Variants in MTA3 observed in about 807,000 individuals in gnomAD.
MTA3 encodes the protein metastasis-associated protein MTA3.
In MTA3, 34 loss-of-function variants were observed where a neutral mutation model predicts 83.5. The observed-to-expected ratio is 0.41, with a 90% CI of 0.31 to 0.54. MTA3 has a LOEUF of 0.54. MTA3 is among the 20% of genes least tolerant of loss of function. The pLI is 0.33. For missense variants in MTA3, 761 were observed against 726.4 expected (o/e 1.05, Z -0.55); for synonymous variants, 303 against 252.7 (o/e 1.20, Z -1.89).
intron 2 of MTA3, among the ~76,000 whole-genome samples, chr2:42,508,400 C>A (rs1029111864): frequency 2.6e-5 from 4 of 151,770 alleles, no homozygotes; most frequent in Admixed American, 2.0e-4. Context: ...GGCACCATCT[C>A]CACTCATTGC....
At chr2:42,597,693 T>TTTG in intron 3 of MTA3, among the ~76,000 whole-genome samples, 1 of 133,464 alleles carries the variant, frequency 7.5e-6, no homozygotes, top group Non-Finnish European at 1.6e-5. Context: ...TGTTTTTTTT[T>TTTG]TTTTTGAGAT....
chr2:42,594,722 A>ATT (rs1573130009), intron 3 of MTA3, among the ~76,000 whole-genome samples: 13 of 34,754 alleles, frequency 3.7e-4, no homozygotes, highest in African/African-American at 2.5e-3. Context: ...ATATATATAT[A>ATT]TATATATTTT....
intron 4 of MTA3, among the ~76,000 whole-genome samples, chr2:42,636,667 A>T (rs528384584): frequency 4.6e-5 from 6 of 129,044 alleles, no homozygotes; most frequent in African/African-American, 3.0e-5. Flanking sequence ...TCGCCCTGTC[A>T]CCAGGCTGGA....
At chr2:42,679,152 A>G (rs1393997358) in intron 8 of MTA3, among the ~76,000 whole-genome samples, 2 of 152,164 alleles carry the variant, frequency 1.3e-5, no homozygotes, top group African/African-American at 2.4e-5. Context: ...TGCCCTACCT[A>G]CTTCACAGGA....
intron 2 of MTA3, among the ~76,000 whole-genome samples, chr2:42,542,189 G>T (rs1370094717): frequency 1.3e-5 from 2 of 152,174 alleles, no homozygotes; most frequent in Admixed American, 6.6e-5. Flanking sequence ...AGGAGTCAGG[G>T]GTCTTCCCGT....
chr2:42,675,353 C>G (rs1308522567), intron 8 of MTA3, among the ~76,000 whole-genome samples: 1 of 152,158 alleles, frequency 6.6e-6, no homozygotes, highest in Non-Finnish European at 1.5e-5. Flanking sequence ...CCAGGCTGGT[C>G]TTAAACTCCT....
intron 4 of MTA3, among the ~76,000 whole-genome samples, chr2:42,627,978 G>T (rs778437181): frequency 6.6e-6 from 1 of 151,658 alleles, no homozygotes; most frequent in Non-Finnish European, 1.5e-5. Flanking sequence ...TCCGACTCCC[G>T]GGTTCAAGTG....
intron 2 of MTA3, among the ~76,000 whole-genome samples, chr2:42,559,530 C>G (rs1268417141): frequency 6.6e-6 from 1 of 151,308 alleles, no homozygotes; most frequent in Non-Finnish European, 1.5e-5. Context: ...TTTTGTTTTC[C>G]CATTTCATCT....
chr2:42,654,347 A>G (rs1688974827), intron 6 of MTA3, among the ~76,000 whole-genome samples: 1 of 152,216 alleles, frequency 6.6e-6, no homozygotes, highest in African/African-American at 2.4e-5. Flanking sequence ...TCACTGGGGA[A>G]TGGTTGGCTT....
chr2:42,580,322 C>A (rs1465657996), intron 3 of MTA3, among the ~76,000 whole-genome samples: 1 of 151,730 alleles, frequency 6.6e-6, no homozygotes, highest in African/African-American at 2.4e-5. Context: ...GGTACCTGTG[C>A]AGGATGTGCA....
chr2:42,645,477 A>G (rs1688094912), intron 6 of MTA3, among the ~76,000 whole-genome samples: 1 of 152,204 alleles, frequency 6.6e-6, no homozygotes, highest in African/African-American at 2.4e-5. Context: ...GTGAGCCAAG[A>G]TTGTGCCACT....
chr2:42,748,966 GT>G (rs1177344540), intron 16 of MTA3, among the ~76,000 whole-genome samples: 1 of 152,170 alleles, frequency 6.6e-6, no homozygotes, highest in Admixed American at 6.5e-5. Context: ...AGACCAAGTT[GT>G]TTACCAGGCC....
chr2:42,643,116 G>C (rs963293528), intron 5 of MTA3, among the ~76,000 whole-genome samples: 2 of 137,552 alleles, frequency 1.5e-5, no homozygotes, highest in Admixed American at 1.6e-4. Context: ...ATACAGCACA[G>C]AATTTCTCAG....
At position 42,695,763 on chromosome 2, in the gene MTA3, A is replaced by G; in HGVS notation, c.892-2A>G. ...TGATAGGTTGATTTTTTTTTTTTTC[A>G]GCTTCCTTGGAAATCATTGACTAGC... On this transcript the variant is annotated splice_acceptor_variant, in intron 9 of 16. Coordinates refer to ENST00000405094, the MANE Select transcript of MTA3 (RefSeq NM_001330442.2). LOFTEE classifies it high-confidence loss of function. The G allele has an allele frequency of 6.7e-7, 1 of 1,487,488 alleles. No individual in the cohort carries two copies. The highest frequency in any genetic ancestry group is 8.9e-7 in the Non-Finnish European group (1 of 1,117,578). The allele number at this position is 1,487,488 out of a possible 1,614,324, so 92.1% of individuals were successfully genotyped here.
upstream of MTA3, among the ~76,000 whole-genome samples, chr2:42,565,021 C>T (rs755872123): frequency 4.6e-5 from 7 of 152,114 alleles, no homozygotes; most frequent in African/African-American, 9.7e-5. Context: ...CATGATCCGC[C>T]GGCCTCGGCC....
rs1292118994 is a variant in MTA3 at position 42,605,217 on chromosome 2, A to ACC, written c.191-4234_191-4233dup. ...GGCGGCTGGCCGGGCGGGGGGGCTG[A>ACC]CCCCCCCCACCTCCCTCCCGGACGG... On this transcript the variant is annotated intron_variant, in intron 3 of 16. Transcript: ENST00000405094. Among the ~76,000 whole-genome samples the ACC allele has an allele frequency of 2.7e-3, 212 of 79,982 alleles. 1 individual carries two copies. The highest frequency in any genetic ancestry group is 4.3e-3 in the Non-Finnish European group (160 of 37,330). 52.5% of individuals were successfully genotyped at this position (79,982 alleles called of 152,430 possible). A position where few individuals can be genotyped will look rare whatever the true frequency, so the allele number is the denominator to read the frequency against.
chr2:42,538,723 A>AG (rs1676373725), intron 2 of MTA3, among the ~76,000 whole-genome samples: 2 of 149,882 alleles, frequency 1.3e-5, no homozygotes, highest in Admixed American at 6.6e-5. Flanking sequence ...AAAAAAAAAA[A>AG]AAAGAAAAAG....
At chr2:42,667,101 G>C (rs1028739483) in intron 8 of MTA3, among the ~76,000 whole-genome samples, 1 of 152,076 alleles carries the variant, frequency 6.6e-6, no homozygotes, top group Non-Finnish European at 1.5e-5. Context: ...AAGAGATGGG[G>C]TCATGCTGTG....
At chr2:42,563,206 A>G (rs1677749143) in intron 2 of MTA3, among the ~76,000 whole-genome samples, 1 of 152,072 alleles carries the variant, frequency 6.6e-6, no homozygotes, top group Non-Finnish European at 1.5e-5. Context: ...TCCCTGTAAC[A>G]TTCCTTCAAC....
Sources: gnomAD v4.1 joint callset for allele counts (sites outside exome capture counted in the v4.1 genomes callset) on GRCh38, gnomAD v4.1.1 for gene constraint, MANE v1.5 for transcripts, NCBI Gene and HGNC (gene_info 2026-07-23, HGNC 2026-07-21) for gene names.